MYO3B: variants seen among roughly 807,000 people sequenced by gnomAD.
MYO3B encodes myosin IIIB.
Under a neutral mutation model 174.6 loss-of-function variants are expected in MYO3B, and 156 were observed. The observed-to-expected ratio is 0.89, with a 90% CI of 0.78 to 1.02. The LOEUF (loss-of-function observed/expected upper bound fraction) is 1.02. Ranked by LOEUF, MYO3B falls within the 50% of genes least tolerant of loss-of-function variation. MYO3B has a pLI of 0.00. For missense variants in MYO3B, 1,632 were observed against 1,639.4 expected (o/e 1.00, Z 0.08); for synonymous variants, 563 against 569.1 (o/e 0.99, Z 0.15).
rs960833555 is a variant in MYO3B at position 170,405,445 on chromosome 2, A to C, written c.2432-100A>C. 26 of 1,018,462 alleles carry C rather than the reference A, an allele frequency of 2.6e-5. No homozygotes were observed. The Middle Eastern group carries it at 1.6e-3, about 64-fold the overall frequency. 63.1% of individuals were successfully genotyped at this position (1,018,462 alleles called of 1,614,324 possible). On this transcript the variant is annotated intron_variant, in intron 20 of 34. Coordinates refer to ENST00000408978, the MANE Select transcript of MYO3B (RefSeq NM_138995.5). ...TTGTTAATATCAAGGCCTTATTCTG[A>C]AAGCCCTTATTCTGAGTCATTCATG...
At chr2:170,627,398 C>G (rs1043069971) in intron 32 of MYO3B, among the ~76,000 whole-genome samples, 1 of 152,146 alleles carries the variant, frequency 6.6e-6, no homozygotes, top group African/African-American at 2.4e-5. Flanking sequence ...GTTTTCAGCT[C>G]CATCAGGTCC....
intron 22 of MYO3B, among the ~76,000 whole-genome samples, chr2:170,408,846 T>C (rs2094527724): frequency 6.6e-6 from 1 of 151,650 alleles, no homozygotes. Context: ...TCAGACATGC[T>C]CCTGTAAACA....
At chr2:170,258,183 AAAGTC>A (rs1462124922) in intron 7 of MYO3B, among the ~76,000 whole-genome samples, 2 of 152,098 alleles carry the variant, frequency 1.3e-5, no homozygotes, top group African/African-American at 4.8e-5. Context: ...ATTATCCACA[AAAGTC>A]AAGGAGGACA....
intron 32 of MYO3B, among the ~76,000 whole-genome samples, chr2:170,580,249 G>A (rs1372051854): frequency 6.6e-6 from 1 of 152,100 alleles, no homozygotes; most frequent in Non-Finnish European, 1.5e-5. Context: ...GCCAGCTTTT[G>A]CAATTTTATA....
At chr2:170,214,287 A>C in intron 3 of MYO3B, 92 bp from the exon 4 acceptor site, 1 of 942,132 alleles carries the variant, frequency 1.1e-6, no homozygotes, top group South Asian at 1.6e-5. Context: ...ACTACATTGA[A>C]TCAGTATCAG....
At chr2:170,357,376 T>G in intron 8 of MYO3B, among the ~76,000 whole-genome samples, 1 of 146,872 alleles carries the variant, frequency 6.8e-6, no homozygotes, top group African/African-American at 2.5e-5. Flanking sequence ...TATTTATATG[T>G]GTATTATATA....
chr2:170,650,417 T>C (rs900786627), intron 32 of MYO3B, among the ~76,000 whole-genome samples: 1 of 152,124 alleles, frequency 6.6e-6, no homozygotes, highest in East Asian at 1.9e-4. Flanking sequence ...AAATCTCTGG[T>C]GAAGTTAAAA....
chr2:170,587,378 G>A (rs189095021), intron 32 of MYO3B, among the ~76,000 whole-genome samples: 9 of 152,230 alleles, frequency 5.9e-5, no homozygotes, highest in East Asian at 1.9e-4. Context: ...GCCCCTAAGT[G>A]TACAAAACTT....
At chr2:170,218,947 A>G (rs563563729) in intron 6 of MYO3B, among the ~76,000 whole-genome samples, 1 of 152,226 alleles carries the variant, frequency 6.6e-6, no homozygotes, top group South Asian at 2.1e-4. Context: ...GCCCCTATCT[A>G]TCCAGCCTTG....
chr2:170,319,018 C>T (rs1186695643), intron 7 of MYO3B, among the ~76,000 whole-genome samples: 1 of 152,206 alleles, frequency 6.6e-6, no homozygotes, highest in Non-Finnish European at 1.5e-5. Flanking sequence ...CCCCAGATCT[C>T]AGGTTTAGGG....
chr2:170,301,270 T>C (rs1183062556), intron 7 of MYO3B, among the ~76,000 whole-genome samples: 2 of 152,218 alleles, frequency 1.3e-5, no homozygotes, highest in African/African-American at 4.8e-5. Context: ...CCTAGTTGAC[T>C]AATGAAGGTA....
At chr2:170,632,418 C>A (rs1030156692) in intron 32 of MYO3B, among the ~76,000 whole-genome samples, 1 of 152,134 alleles carries the variant, frequency 6.6e-6, no homozygotes, top group Non-Finnish European at 1.5e-5. Context: ...TAAAGATGTT[C>A]TTTGAAACCA....
At chr2:170,586,816 T>C (rs1034859668) in intron 32 of MYO3B, among the ~76,000 whole-genome samples, 9 of 152,250 alleles carry the variant, frequency 5.9e-5, no homozygotes, top group Non-Finnish European at 1.3e-4. Flanking sequence ...TTGAACTAAT[T>C]CTAAAATTTT....
intron 32 of MYO3B, among the ~76,000 whole-genome samples, chr2:170,557,537 T>C (rs1023924695): frequency 1.3e-5 from 2 of 152,220 alleles, no homozygotes; most frequent in African/African-American, 4.8e-5. Flanking sequence ...TAATAAAATA[T>C]ACCTTTATTC....
intron 22 of MYO3B, among the ~76,000 whole-genome samples, chr2:170,441,229 T>G (rs2094798677): frequency 6.6e-6 from 1 of 152,252 alleles, no homozygotes; most frequent in Admixed American, 6.5e-5. Flanking sequence ...TAATTTTACT[T>G]CTTCCTTTCT....
At chr2:170,501,141 A>G (rs1263687811) in intron 27 of MYO3B, among the ~76,000 whole-genome samples, 2 of 152,126 alleles carry the variant, frequency 1.3e-5, no homozygotes, top group Non-Finnish European at 2.9e-5. Flanking sequence ...TTTTGTATCT[A>G]AAGGGCTTAC....
chr2:170,537,321 C>T (rs1405785590), intron 30 of MYO3B, among the ~76,000 whole-genome samples: 1 of 151,696 alleles, frequency 6.6e-6, no homozygotes, highest in African/African-American at 2.4e-5. Flanking sequence ...TGTACTCCAT[C>T]CTGGGTGACA....
chr2:170,416,818 G>GTTTTTTTTTTTTTTTTTTTTT (rs552594236), intron 22 of MYO3B, among the ~76,000 whole-genome samples: 1 of 116,124 alleles, frequency 8.6e-6, no homozygotes, highest in Non-Finnish European at 1.8e-5. Context: ...TTTTTCTGTT[G>GTTTTTTTTTTTTTTTTTTTTT]TTTTTTTTTT....
In MYO3B at chr2:170,313,435, G is replaced by C. The variant is rs553816308; in HGVS notation, c.750-21950G>C. Among the ~76,000 whole-genome samples, 126 of 152,168 alleles carry C rather than the reference G, an allele frequency of 8.3e-4. 1 individual carries two copies. The highest frequency in any genetic ancestry group is 1.0e-3 in the Non-Finnish European group (68 of 68,024). On this transcript the variant is annotated intron_variant, in intron 7 of 34. Coordinates refer to ENST00000408978, the MANE Select transcript of MYO3B (RefSeq NM_138995.5). ...GGTTAACCTTAGAAAAATGATTCCAGATGAAGAGAGGGAAAAACCTACAGC... is the reference window on the plus strand; with the variant it reads ...GGTTAACCTTAGAAAAATGATTCCACATGAAGAGAGGGAAAAACCTACAGC...
Sources: gnomAD v4.1 joint callset for allele counts (sites outside exome capture counted in the v4.1 genomes callset) on GRCh38, gnomAD v4.1.1 for gene constraint, MANE v1.5 for transcripts, NCBI Gene and HGNC (gene_info 2026-07-23, HGNC 2026-07-21) for gene names.